The following CHD4 variants were observed in gnomAD, a reference collection of about 807,000 sequenced individuals.
The protein encoded by CHD4 is ATP-dependent chromatin remodeler CHD4.
A neutral mutation model predicts 235.5 loss-of-function variants in CHD4; 35 were observed. The ratio of observed to expected loss-of-function variants is 0.15; its 90% CI spans 0.11 to 0.20. The LOEUF is 0.20. Among genes scored for constraint, CHD4 ranks in the 10% least tolerant of loss-of-function variants. The pLI, the probability that CHD4 is intolerant of heterozygous loss-of-function variation, is 1.00. For missense variants in CHD4, 1,329 were observed against 2,432.3 expected (o/e 0.55, Z 9.54); for synonymous variants, 900 against 850.2 (o/e 1.06, Z -1.02).
intron 10 of CHD4, 26 bp downstream of exon 10, chr12:6,599,747 T>C: frequency 6.2e-7 from 1 of 1,613,524 alleles, no homozygotes; most frequent in Non-Finnish European, 8.5e-7. Context: ...TCCCATTTTT[T>C]GCCCCGGCTG....
chr12:6,595,308 C>T, intron 14 of CHD4, 26 bp downstream of exon 14: 1 of 1,596,262 alleles, frequency 6.3e-7, no homozygotes, highest in Non-Finnish European at 8.6e-7. Context: ...ACCCAACAAA[C>T]TACAGTCCCT....
intron 33 of CHD4, 55 bp from the exon 34 acceptor site, chr12:6,578,972 T>C (rs1948122029): frequency 1.3e-6 from 2 of 1,497,770 alleles, no homozygotes; most frequent in East Asian, 2.3e-5. Flanking sequence ...TTCTCCTCTG[T>C]TGCACACTAT....
chr12:6,588,534 T>G, intron 22 of CHD4, 112 bp from the exon 23 acceptor site: 1 of 1,204,694 alleles, frequency 8.3e-7, no homozygotes, highest in Non-Finnish European at 1.2e-6. Context: ...TCTCAGCACT[T>G]TGGGAGGCAG....
chr12:6,600,853 A>G (rs1948577425), intron 7 of CHD4, 73 bp downstream of exon 7: 4 of 1,522,272 alleles, frequency 2.6e-6, no homozygotes, highest in Non-Finnish European at 3.5e-6. Flanking sequence ...TATGAAGGAC[A>G]GGTTCTGATA....
intron 7 of CHD4, 107 bp from the exon 8 acceptor site, chr12:6,600,776 A>T: frequency 6.6e-7 from 1 of 1,523,336 alleles, no homozygotes; most frequent in Non-Finnish European, 8.9e-7. Flanking sequence ...CCCAGCAAGC[A>T]CCGTTATACA....
At chr12:6,603,380 C>A (rs1302579763) in intron 2 of CHD4, among the ~76,000 whole-genome samples, 1 of 152,114 alleles carries the variant, frequency 6.6e-6, no homozygotes, top group Non-Finnish European at 1.5e-5. Context: ...CTCCCTCTTC[C>A]CAAGCCACCC....
chr12:6,601,088 G>A (rs1401430099), intron 6 of CHD4, 35 bp from the exon 7 acceptor site: 27 of 1,530,448 alleles, frequency 1.8e-5, no homozygotes, highest in Non-Finnish European at 2.3e-5. Flanking sequence ...TATACCACAA[G>A]ACCAAAGATG....
In CHD4 at chr12:6,593,085, C is replaced by G. The variant is rs1948429466; in HGVS notation, c.2652+6G>C. On this transcript the variant is annotated splice_donor_region_variant and intron_variant, in intron 17 of 39. Coordinates refer to ENST00000544040, the MANE Select transcript of CHD4 (RefSeq NM_001273.5). The surrounding 1 kb of genome is among the most constrained non-coding windows in gnomAD (Gnocchi z 4.9). ...GGGGCTCCAACATCCCTCCCTCAGC[C>G]CTCACCTTAGACTGATTGTTCTTCA... 1 of 1,613,786 alleles carries G rather than the reference C, an allele frequency of 6.2e-7. No individual in the cohort carries two copies. The highest frequency in any genetic ancestry group is 8.5e-7 in the Non-Finnish European group (1 of 1,179,976).
At chr12:6,594,069 A>G (rs1948444632) in intron 15 of CHD4, among the ~76,000 whole-genome samples, 1 of 152,162 alleles carries the variant, frequency 6.6e-6, no homozygotes, top group African/African-American at 2.4e-5. Context: ...TCCTGACCTC[A>G]GGTGATCCAC....
In CHD4 at chr12:6,582,417, G is replaced by A. The variant is rs971545621; in HGVS notation, c.4371-136C>T. The A allele has an allele frequency of 2.7e-5, 36 of 1,313,842 alleles. No homozygotes were observed. In the African/African-American group the frequency reaches 3.9e-4, roughly 14 times the overall value. 81.4% of individuals were successfully genotyped at this position (1,313,842 alleles called of 1,614,324 possible). ...GGTAAAGCCCACCACTGCACGGGAA[G>A]GCTGATCTCTAGACCCCACAAGAAG... is the stretch of plus-strand genomic sequence containing the variant. On this transcript the variant is annotated intron_variant, in intron 29 of 39. Coordinates refer to ENST00000544040, the MANE Select transcript of CHD4 (RefSeq NM_001273.5).
rs780910406 is a variant in CHD4, at chr12:6,591,527, G to A, written c.3279C>T (p.Tyr1093=). The change falls in exon 22 of 40, where the codon TAC becomes TAT. Residue 1093 remains tyrosine (Y), a synonymous_variant. Coordinates refer to ENST00000544040, the MANE Select transcript of CHD4 (RefSeq NM_001273.5). ...EDFLEHEGYK[Y]ERIDGGITGN... ...CAGTGATTCCACCATCGATGCGTTC[G>A]TATTTATAACCTTCATGTTCCAAGA... 9.9e-6 allele frequency: 16 copies of A among 1,614,092 alleles called. No homozygotes were observed. The highest frequency in any genetic ancestry group is 1.3e-5 in the African/African-American group (1 of 74,932).
Position 6,581,729 on chromosome 12 carries a change from C to T in CHD4, c.4601G>A (p.Gly1534Glu). ...VEENKKMSQP[G>E]SPSPKTPTPS... Reference sequence around the variant, plus strand: ...TGTAGGAGTTTTTGGGGAGGGTGACCCTGGCTGGGACATCTTCTTGTTTTC... The same window carrying T: ...TGTAGGAGTTTTTGGGGAGGGTGACTCTGGCTGGGACATCTTCTTGTTTTC... Residue 1534 changes from glycine to glutamate, a missense_variant, in exon 31 of 40, where the codon GGG becomes GAG. Around this residue, in one of 26 missense-constraint regions of CHD4, gnomAD observed 219 missense variants for 219.3 expected, o/e 1.00. Transcript: ENST00000544040. 1.9e-6 allele frequency: 3 copies of T among 1,604,832 alleles called. No individual in the cohort carries two copies. Among genetic ancestry groups the T allele is most frequent in the Non-Finnish European group, 2.6e-6 (3 of 1,174,848 alleles).
Position 6,595,324 on chromosome 12 carries a change from C to G in CHD4, c.2121+10G>C. On this transcript the variant is annotated intron_variant, in intron 14 of 39. Coordinates refer to ENST00000544040, the MANE Select transcript of CHD4 (RefSeq NM_001273.5). ...CCCAACAAACTACAGTCCCTTCCAC[C>G]CCCACTCACATCAACTGTTGGCGTT... The G allele has an allele frequency of 6.2e-7, 1 of 1,611,616 alleles. No individual in the cohort carries two copies. The highest frequency in any genetic ancestry group is 8.5e-7 in the Non-Finnish European group (1 of 1,177,830).
In CHD4 at chr12:6,594,668, G is replaced by GCT. The variant is rs771014996; in HGVS notation, c.2122-19_2122-18insAG. The GCT allele has an allele frequency of 6.0e-5, 97 of 1,606,492 alleles. 2 individuals are homozygous for GCT. In the South Asian group the frequency reaches 1.0e-3, roughly 17 times the overall value. ...ACTGTTGGCTGAAGGATGAAACAGA[G>GCT]AAGTCAAGAGCTGGCAAGGAACTCC... is the stretch of plus-strand genomic sequence containing the variant. On this transcript the variant is annotated intron_variant, in intron 14 of 39. Coordinates refer to ENST00000544040, the MANE Select transcript of CHD4 (RefSeq NM_001273.5).
In CHD4 at chr12:6,600,400, G is replaced by A; in HGVS notation, c.1064-5C>T. On this transcript the variant is annotated splice_region_variant and splice_polypyrimidine_tract_variant and intron_variant, in intron 8 of 39. Transcript: ENST00000544040. ...CAGCAGTCACCTCCTCCTCGCCTGG[G>A]CAAGGAAGAGGGAAAGCCCAGTTAT... The A allele has an allele frequency of 6.2e-7, 1 of 1,613,808 alleles. No individual in the cohort carries two copies. The highest frequency in any genetic ancestry group is 8.5e-7 in the Non-Finnish European group (1 of 1,179,826).
In CHD4 at chr12:6,582,951, A is replaced by G; in HGVS notation, c.4148-15T>C. The G allele has an allele frequency of 1.2e-6, 2 of 1,612,478 alleles. No homozygotes were observed. Among genetic ancestry groups the G allele is most frequent in the Non-Finnish European group, 1.7e-6 (2 of 1,179,412 alleles). On this transcript the variant is annotated splice_polypyrimidine_tract_variant and intron_variant, in intron 27 of 39. Coordinates refer to ENST00000544040, the MANE Select transcript of CHD4 (RefSeq NM_001273.5). ...CCTACGGGGAGCTGCAAGAAGAAAA[A>G]GATGAATGAGTGACACAGGTAGGAT... is the stretch of plus-strand genomic sequence containing the variant.
In CHD4 at chr12:6,582,768, A is replaced by G. The variant is rs1948217058; in HGVS notation, c.4237-20T>C. 6.2e-7 allele frequency: 1 copy of G among 1,614,046 alleles called. No individual in the cohort carries two copies. The highest frequency in any genetic ancestry group is 8.5e-7 in the Non-Finnish European group (1 of 1,180,052). ...AAGTACCTAGGGGAAGAAGAAACCC[A>G]GGTGAGAGGCAGCAGGTCGCATTCC... On this transcript the variant is annotated intron_variant, in intron 28 of 39. Transcript: ENST00000544040.
At chr12:6,601,594 GAA>G (rs1190662127) in intron 5 of CHD4, 52 bp downstream of exon 5, 1 of 1,613,270 alleles carries the variant, frequency 6.2e-7, no homozygotes, top group East Asian at 2.2e-5. Context: ...AGAGAAGTAA[GAA>G]GAGAGAACAG....
chr12:6,579,308 G>A (rs1014935961), intron 33 of CHD4: 1 of 263,858 alleles, frequency 3.8e-6, no homozygotes, highest in South Asian at 4.1e-5. Context: ...AAATTAGCCA[G>A]GCGTGGTGGC....
Sources: gnomAD v4.1 joint callset for allele counts (sites outside exome capture counted in the v4.1 genomes callset) on GRCh38, gnomAD v4.1.1 for gene constraint, gnomAD v4.1.1 regional missense constraint, Gnocchi (gnomAD v3.1) non-coding constraint, MANE v1.5 for transcripts, NCBI Gene and HGNC (gene_info 2026-07-23, HGNC 2026-07-21) for gene names.